ZNF273: variants seen among roughly 807,000 people sequenced by gnomAD.
ZNF273 encodes zinc finger protein 273, also known as zinc finger protein 9.
ZNF273 carries 11 observed loss-of-function variants against 14.9 expected under a neutral mutation model. The ratio of observed to expected loss-of-function variants is 0.74; its 90% CI spans 0.46 to 1.22. ZNF273 has a LOEUF of 1.22. ZNF273 is among the 50% of genes most tolerant of loss of function. ZNF273 has a pLI of 0.00. For missense variants in ZNF273, 577 were observed against 660.6 expected (o/e 0.87, Z 1.39); for synonymous variants, 199 against 223.9 (o/e 0.89, Z 0.99).
At chr7:64,912,826 G>GT (rs71061324) in intron 1 of ZNF273, among the ~76,000 whole-genome samples, 421 of 36,574 alleles carry the variant, frequency 0.012, 62 homozygotes, top group African/African-American at 0.032. Context: ...ATTCATTTTA[G>GT]TTTTTTTTTT....
At chr7:64,893,568 A>T (rs112591550), downstream of ZNF273, 7 of 152,372 alleles carry the variant, frequency 4.6e-5, no homozygotes, top group African/African-American at 1.7e-4. Context: ...TGAACATGTC[A>T]TGCAGTCTCC....
intron 1 of ZNF273, among the ~76,000 whole-genome samples, chr7:64,910,758 T>A (rs1793437100): frequency 7.3e-6 from 1 of 137,480 alleles, no homozygotes; most frequent in Non-Finnish European, 1.5e-5. Flanking sequence ...GCATTAAATC[T>A]GTAATTTATT....
Position 64,916,552 on chromosome 7 carries a change from A to C in ZNF273, c.103-1029A>C, listed in dbSNP as rs554353700. The stretch of plus-strand genomic sequence containing the variant: ...GGAGCAAAACTGTCTCAAAAAAAAA[A>C]AAAAAAAAAAAAACCATACACACAA... On this transcript the variant is annotated intron_variant, in intron 1 of 3. Transcript: ENST00000476120. Among the ~76,000 whole-genome samples the C allele has an allele frequency of 4.7e-3, 705 of 151,102 alleles. 11 individuals are homozygous for C. Among genetic ancestry groups the C allele is most frequent in the African/African-American group, 0.016 (658 of 41,360 alleles).
At position 64,930,335 on chromosome 7, in the gene ZNF273, G is replaced by A. The variant is rs901356901; in HGVS notation, c.*1297G>A. The A allele has an allele frequency of 2.0e-5, 3 of 152,132 alleles. No homozygotes were observed. Among genetic ancestry groups the A allele is most frequent in the African/African-American group, 7.2e-5 (3 of 41,418 alleles). The allele number at this position is 152,132 out of a possible 1,614,324, so 9.4% of individuals were successfully genotyped here. On this transcript the variant is annotated 3_prime_UTR_variant, in exon 4 of 4. Transcript: ENST00000476120. Reference sequence around the variant, plus strand: ...GCATGATGAAAATCTAAGTAGAGAGGCTCTTGTGGTTAACTGATAATATTG... The same window carrying A: ...GCATGATGAAAATCTAAGTAGAGAGACTCTTGTGGTTAACTGATAATATTG...
upstream of ZNF273, among the ~76,000 whole-genome samples, chr7:64,898,577 T>C (rs931577514): frequency 1.3e-5 from 2 of 152,238 alleles, no homozygotes; most frequent in Non-Finnish European, 2.9e-5. Context: ...CCATATTGAG[T>C]ACTATAAATA....
At chr7:64,924,192 A>G (rs1403773871) in intron 3 of ZNF273, 1 of 152,208 alleles carries the variant, frequency 6.6e-6, no homozygotes, top group Non-Finnish European at 1.5e-5. Flanking sequence ...TATAGAAAGT[A>G]ATCCATAAAA....
chr7:64,917,737 G>A, intron 2 of ZNF273, 30 bp downstream of exon 2: 4 of 1,542,690 alleles, frequency 2.6e-6, no homozygotes, highest in Non-Finnish European at 3.5e-6. Flanking sequence ...ATAATTTAAA[G>A]GTTTCACTTC....
chr7:64,912,576 C>A (rs1229793383), intron 1 of ZNF273, among the ~76,000 whole-genome samples: 1 of 152,082 alleles, frequency 6.6e-6, no homozygotes, highest in Non-Finnish European at 1.5e-5. Flanking sequence ...CAGTTATCTA[C>A]TGAGTTCAGA....
downstream of ZNF273, chr7:64,894,044 GC>G (rs1243260984): frequency 2.0e-5 from 3 of 151,846 alleles, no homozygotes; most frequent in Non-Finnish European, 2.9e-5. Flanking sequence ...TTGCTCTGTC[GC>G]CCAGGCTGGA....
At chr7:64,927,576 A>AT in intron 3 of ZNF273, 78 bp from the exon 4 acceptor site, 1 of 1,281,938 alleles carries the variant, frequency 7.8e-7, no homozygotes, top group East Asian at 2.4e-5. Context: ...TAGTTTGTAT[A>AT]TTTTTATAGG....
chr7:64,922,174 A>C (rs2129093831), intron 3 of ZNF273, among the ~76,000 whole-genome samples: 1 of 144,900 alleles, frequency 6.9e-6, no homozygotes, highest in African/African-American at 2.6e-5. Flanking sequence ...ATAGGATCTC[A>C]TTCCATCAAC....
chr7:64,892,825 G>A (rs151289267), downstream of ZNF273, among the ~76,000 whole-genome samples: 80 of 152,200 alleles, frequency 5.3e-4, no homozygotes, highest in African/African-American at 1.7e-3. Context: ...CATGGATTAC[G>A]GAAAATTTGC....
Position 64,903,449 on chromosome 7 carries a change from G to C in ZNF273, c.102+30G>C, listed in dbSNP as rs1042046363. On this transcript the variant is annotated intron_variant, in intron 1 of 3. Transcript: ENST00000476120. ...GAGTGCCGGGTCCCAGATCCCGAGAGAGGGGGAGGGCCTGGTTGGAACTGG... is the reference window on the plus strand; with the variant it reads ...GAGTGCCGGGTCCCAGATCCCGAGACAGGGGGAGGGCCTGGTTGGAACTGG... 6.3e-6 allele frequency: 10 copies of C among 1,586,468 alleles called. No individual in the cohort carries two copies. The African/African-American group carries it at 1.1e-4, about 17-fold the overall frequency.
upstream of ZNF273, among the ~76,000 whole-genome samples, chr7:64,901,757 C>A (rs1346396209): frequency 1.3e-5 from 2 of 148,830 alleles, no homozygotes; most frequent in Non-Finnish European, 3.0e-5. Flanking sequence ...TCGAGACCAG[C>A]CTGACCAACA....
intron 3 of ZNF273, among the ~76,000 whole-genome samples, chr7:64,925,747 G>GT (rs1308132528): frequency 6.7e-6 from 1 of 148,604 alleles, no homozygotes; most frequent in Non-Finnish European, 1.5e-5. Context: ...TGCATACAAA[G>GT]TTTTTTCCTC....
intron 1 of ZNF273, chr7:64,916,937 C>T (rs1794048341): frequency 1.8e-6 from 2 of 1,103,024 alleles, no homozygotes; most frequent in Middle Eastern, 4.0e-4. Context: ...GTGCATAAAC[C>T]ATCACATTTA....
chr7:64,908,145 G>C (rs1793247791), intron 1 of ZNF273, among the ~76,000 whole-genome samples: 1 of 152,226 alleles, frequency 6.6e-6, no homozygotes, highest in Admixed American at 6.5e-5. Context: ...TCATCTGCCT[G>C]CATGGACACA....
intron 1 of ZNF273, 92 bp downstream of exon 1, chr7:64,903,511 A>C: frequency 3.1e-6 from 4 of 1,272,910 alleles, no homozygotes; most frequent in Non-Finnish European, 4.5e-6. Flanking sequence ...GCCTCCCTGC[A>C]GTAGACTCCA....
At chr7:64,905,433 T>G (rs1793038556) in intron 1 of ZNF273, among the ~76,000 whole-genome samples, 1 of 149,578 alleles carries the variant, frequency 6.7e-6, no homozygotes, top group African/African-American at 2.5e-5. Flanking sequence ...TTTTTTTTTT[T>G]TTTTTTTTTG....
Sources: allele counts gnomAD v4.1 joint callset (sites outside exome capture counted in the v4.1 genomes callset), GRCh38; gene constraint gnomAD v4.1.1; transcripts MANE v1.5; gene names NCBI Gene and HGNC (gene_info 2026-07-23, HGNC 2026-07-21).